CACNB2: variants seen among roughly 807,000 people sequenced by gnomAD.
CACNB2 encodes the protein voltage-dependent L-type calcium channel subunit beta-2.
In CACNB2, 42 loss-of-function variants were observed where a neutral mutation model predicts 73.3. The ratio of observed to expected loss-of-function variants is 0.57; its 90% CI spans 0.45 to 0.74. The LOEUF (loss-of-function observed/expected upper bound fraction) is 0.74, where lower values mean the gene tolerates loss of function less well. Ranked by LOEUF, CACNB2 falls within the 30% of genes least tolerant of loss-of-function variation. The probability of loss-of-function intolerance (pLI) is 0.00; values close to 1 mark genes in which losing one functional copy is unlikely to be tolerated. For synonymous variants in CACNB2, 348 were observed against 310.3 expected (o/e 1.12, Z -1.28); for missense variants, 940 against 853.0 (o/e 1.10, Z -1.27).
At chr10:18,391,859 C>G (rs373534345) in intron 2 of CACNB2, among the ~76,000 whole-genome samples, 2 of 131,956 alleles carry the variant, frequency 1.5e-5, no homozygotes, top group South Asian at 2.4e-4. Flanking sequence ...GCTCAGGAGA[C>G]AGAGGTTGCA....
chr10:18,312,905 C>T (rs550696185), intron 2 of CACNB2, among the ~76,000 whole-genome samples: 4 of 152,184 alleles, frequency 2.6e-5, no homozygotes, highest in South Asian at 2.1e-4. Flanking sequence ...CTGACGATTA[C>T]GGACCAAGAG....
intron 2 of CACNB2, among the ~76,000 whole-genome samples, chr10:18,197,672 A>C (rs2131296453): frequency 6.6e-6 from 1 of 152,296 alleles, no homozygotes; most frequent in Middle Eastern, 3.4e-3. Context: ...TTCCTGAACC[A>C]ATTCCCATAG....
In CACNB2 at chr10:18,491,367, TG is replaced by T. The variant is rs1374279005; in HGVS notation, c.334-6987del. 8.5e-5 allele frequency among the ~76,000 whole-genome samples: 13 copies of T among 152,284 alleles called. No homozygotes were observed. The East Asian group carries it at 2.5e-3, about 29-fold the overall frequency. ...GGGAGGCCAAGGCGGGAGGATCACTTGAGGCCAGGAGTTCAAGACCAGCCTG... is the reference window on the plus strand; with the variant it reads ...GGGAGGCCAAGGCGGGAGGATCACTTAGGCCAGGAGTTCAAGACCAGCCTG... On this transcript the variant is annotated intron_variant, in intron 3 of 13. Coordinates refer to ENST00000324631, the MANE Select transcript of CACNB2 (RefSeq NM_201596.3).
At chr10:18,304,410 C>A (rs904009837) in intron 2 of CACNB2, among the ~76,000 whole-genome samples, 1 of 152,186 alleles carries the variant, frequency 6.6e-6, no homozygotes, top group African/African-American at 2.4e-5. Flanking sequence ...GTATTCAGCA[C>A]ATTTAAGAAA....
intron 3 of CACNB2, among the ~76,000 whole-genome samples, chr10:18,463,732 C>A (rs995888748): frequency 2.6e-5 from 4 of 152,030 alleles, no homozygotes; most frequent in Non-Finnish European, 5.9e-5. Flanking sequence ...TGCCTGGCCC[C>A]AAGAGTTCCT....
chr10:18,446,649 G>T (rs1273688112), intron 3 of CACNB2, among the ~76,000 whole-genome samples: 2 of 152,120 alleles, frequency 1.3e-5, no homozygotes, highest in African/African-American at 2.4e-5. Flanking sequence ...ACTTGTAATT[G>T]CATGCACTGA....
At chr10:18,263,373 TG>T (rs374778179) in intron 2 of CACNB2, among the ~76,000 whole-genome samples, 1 of 152,226 alleles carries the variant, frequency 6.6e-6, no homozygotes, top group African/African-American at 2.4e-5. Flanking sequence ...TCATACTGGT[TG>T]GGCTGTCCTG....
intron 2 of CACNB2, among the ~76,000 whole-genome samples, chr10:18,364,932 A>T (rs7898858): frequency 1.3e-5 from 2 of 151,948 alleles, no homozygotes; most frequent in Admixed American, 1.3e-4. Flanking sequence ...AGTCCATACA[A>T]TTTCTCTTGC....
At chr10:18,152,597 C>A (rs2031656273) in intron 2 of CACNB2, among the ~76,000 whole-genome samples, 1 of 150,940 alleles carries the variant, frequency 6.6e-6, no homozygotes, top group African/African-American at 2.4e-5. Flanking sequence ...AGTTACCCAT[C>A]GCCTTTTCCA....
At chr10:18,497,977 G>C (rs966129868) in intron 3 of CACNB2, among the ~76,000 whole-genome samples, 2 of 152,128 alleles carry the variant, frequency 1.3e-5, no homozygotes, top group African/African-American at 4.8e-5. Context: ...GGGTAGCAAG[G>C]CAGTGACTAA....
chr10:18,429,680 A>C lies in CACNB2; in HGVS notation c.333+27637A>C, dbSNP rs1314827296. On this transcript the variant is annotated intron_variant, in intron 3 of 13. Transcript: ENST00000324631. ...CGTCTCTACCAAAAAAAAAAAAAAA[A>C]ACCAAATTAACCAAGAATGATGTTG... 2.3e-3 allele frequency among the ~76,000 whole-genome samples: 319 copies of C among 139,560 alleles called. 20 individuals are homozygous for C. The highest frequency in any genetic ancestry group is 4.9e-3 in the Admixed American group (67 of 13,810). The allele number at this position is 139,560 out of a possible 152,430, so 91.6% of individuals were successfully genotyped here. A position where few individuals can be genotyped will look rare whatever the true frequency, so the allele number is the denominator to read the frequency against.
rs544181363 is a variant in CACNB2 at position 18,395,447 on chromosome 10, A to T, written c.214-6477A>T. 1.1e-4 allele frequency among the ~76,000 whole-genome samples: 17 copies of T among 151,408 alleles called. No individual in the cohort carries two copies. In the East Asian group the frequency reaches 1.4e-3, roughly 12 times the overall value. On this transcript the variant is annotated intron_variant, in intron 2 of 13. Coordinates refer to ENST00000324631, the MANE Select transcript of CACNB2 (RefSeq NM_201596.3). ...AGCCGTTATTTTTCTGGTGCCTTTT[A>T]AAAAAAAATCAGTTTCCTTCACTGA... is the stretch of plus-strand genomic sequence containing the variant.
chr10:18,498,273 G>C lies in CACNB2; in HGVS notation c.334-82G>C. The C allele has an allele frequency of 1.1e-5, 17 of 1,517,054 alleles. 1 individual carries two copies. The South Asian group carries it at 1.8e-4, about 17-fold the overall frequency. The allele number at this position is 1,517,054 out of a possible 1,614,324, so 94.0% of individuals were successfully genotyped here. A position where few individuals can be genotyped will look rare whatever the true frequency, so the allele number is the denominator to read the frequency against. On this transcript the variant is annotated intron_variant, in intron 3 of 13. Transcript: ENST00000324631. The stretch of plus-strand genomic sequence containing the variant: ...CAACAATGATTACAGTAGTTATTCA[G>C]TATGTCTTTGTGTTTGAGGGAAAAA...
At chr10:18,300,708 G>A (rs910028368) in intron 2 of CACNB2, among the ~76,000 whole-genome samples, 13 of 152,158 alleles carry the variant, frequency 8.5e-5, no homozygotes, top group African/African-American at 3.1e-4. Flanking sequence ...AATTAGCCGT[G>A]CATGGTGGTG....
chr10:18,396,321 T>C (rs1439100019), intron 2 of CACNB2, among the ~76,000 whole-genome samples: 2 of 152,204 alleles, frequency 1.3e-5, no homozygotes, highest in Non-Finnish European at 2.9e-5. Context: ...ATTTCTTGCA[T>C]CTACATTGCA....
At chr10:18,227,024 AG>A (rs1312738759) in intron 2 of CACNB2, among the ~76,000 whole-genome samples, 4 of 152,324 alleles carry the variant, frequency 2.6e-5, no homozygotes, top group African/African-American at 9.6e-5. Context: ...CATAGCTCTG[AG>A]GATGACATTA....
intron 3 of CACNB2, among the ~76,000 whole-genome samples, chr10:18,472,574 T>G (rs983798062): frequency 2.6e-5 from 4 of 152,158 alleles, no homozygotes; most frequent in African/African-American, 9.7e-5. Context: ...CTACCTTGGT[T>G]CCATGATAAA....
At position 18,539,648 on chromosome 10, in the gene CACNB2, A is replaced by C. The variant is rs2053952199; in HGVS notation, c.1907A>C (p.Glu636Ala). ...CATAAATCCAAGGATCGCTACTGTG[A>C]AAAGGATGGAGAAGTGATATCAAAA... ...SRHKSKDRYC[E>A]KDGEVISKKR... is the part of the protein sequence containing the mutation. The change falls in exon 14 of 14, where the codon GAA becomes GCA. Residue 636 changes from glutamate (E) to alanine (A), a missense_variant. By Grantham distance (107) the Glu-to-Ala change is moderately radical (BLOSUM62 -1). Coordinates refer to ENST00000324631, the MANE Select transcript of CACNB2 (RefSeq NM_201596.3). 6.2e-7 allele frequency: 1 copy of C among 1,613,644 alleles called. No individual in the cohort carries two copies. Among genetic ancestry groups the C allele is most frequent in the East Asian group, 2.2e-5 (1 of 44,854 alleles).
intron 2 of CACNB2, among the ~76,000 whole-genome samples, chr10:18,376,129 T>C (rs1380062351): frequency 6.6e-6 from 1 of 152,188 alleles, no homozygotes; most frequent in African/African-American, 2.4e-5. Context: ...AAAGAAAATG[T>C]GGTACATTTA....
Sources: gnomAD v4.1 joint callset for allele counts (sites outside exome capture counted in the v4.1 genomes callset) on GRCh38, gnomAD v4.1.1 for gene constraint, MANE v1.5 for transcripts, NCBI Gene and HGNC (gene_info 2026-07-23, HGNC 2026-07-21) for gene names.